The following DISC1 variants were observed in gnomAD, a reference collection of about 807,000 sequenced individuals.
The protein encoded by DISC1 is DISC1 scaffold protein.
DISC1 carries 57 observed loss-of-function variants against 84.5 expected under a neutral mutation model. The observed-to-expected ratio is 0.67, with a 90% CI of 0.55 to 0.84. The LOEUF is 0.84. Among genes scored for constraint, DISC1 ranks in the 40% least tolerant of loss-of-function variants. The pLI is 0.00. For missense variants in DISC1, 1,000 were observed against 1,057.8 expected (o/e 0.95, Z 0.76); for synonymous variants, 411 against 415.2 (o/e 0.99, Z 0.12).
intron 1 of DISC1, among the ~76,000 whole-genome samples, chr1:231,642,171 G>C (rs1218578016): frequency 1.3e-5 from 2 of 152,112 alleles, no homozygotes; most frequent in African/African-American, 4.8e-5. Flanking sequence ...TCACTGCCCG[G>C]GGCCGGCGGG....
At chr1:231,825,651 G>T (rs1314264354) in intron 9 of DISC1, among the ~76,000 whole-genome samples, 4 of 152,128 alleles carry the variant, frequency 2.6e-5, no homozygotes, top group African/African-American at 4.8e-5. Context: ...GTCATTGCCT[G>T]CATCCAACTC....
chr1:231,679,229 A>G (rs1157001584), intron 1 of DISC1, among the ~76,000 whole-genome samples: 2 of 152,068 alleles, frequency 1.3e-5, no homozygotes, highest in Non-Finnish European at 2.9e-5. Context: ...GTGATTTTCT[A>G]TTGGTTGGTT....
rs1444597551 is a variant in DISC1 at position 231,954,261 on chromosome 1, G to T, written c.1982-4567G>T. Among the ~76,000 whole-genome samples the T allele has an allele frequency of 6.6e-6, 1 of 152,178 alleles. No individual in the cohort carries two copies. The highest frequency in any genetic ancestry group is 1.5e-5 in the Non-Finnish European group (1 of 68,024). Reference sequence around the variant, plus strand: ...CTATCTCTGTGTCCCTGGAAGCCGTGTCCTTTTTCTATTTAATTAGTGCCA... The same window carrying T: ...CTATCTCTGTGTCCCTGGAAGCCGTTTCCTTTTTCTATTTAATTAGTGCCA... On this transcript the variant is annotated intron_variant, in intron 9 of 12. Transcript: ENST00000439617. This position sits in a 1 kb window ranked among gnomAD's most constrained non-coding sequence, Gnocchi z 4.8.
At chr1:231,927,378 C>A (rs1338637229) in intron 9 of DISC1, among the ~76,000 whole-genome samples, 1 of 152,244 alleles carries the variant, frequency 6.6e-6, no homozygotes, top group African/African-American at 2.4e-5. Context: ...GATGCTTCAA[C>A]TTCCCAAGAC....
chr1:231,952,825 G>C (rs993301133), intron 9 of DISC1, among the ~76,000 whole-genome samples: 1 of 151,238 alleles, frequency 6.6e-6, no homozygotes, highest in African/African-American at 2.4e-5. Flanking sequence ...TTTATTGATG[G>C]CTGGTCTTTG....
intron 1 of DISC1, among the ~76,000 whole-genome samples, chr1:231,633,884 CTTTTTT>C (rs547057206): frequency 7.4e-6 from 1 of 135,444 alleles, no homozygotes; most frequent in East Asian, 2.1e-4. Flanking sequence ...TACCTGTCAT[CTTTTTT>C]TTTTTTTTTT....
chr1:231,839,877 G>A (rs79978913), intron 9 of DISC1, among the ~76,000 whole-genome samples: 2,167 of 152,102 alleles, frequency 0.014, 49 homozygotes, highest in African/African-American at 0.049. Flanking sequence ...TAAACAACCG[G>A]ATCTTGTGTG....
intron 9 of DISC1, among the ~76,000 whole-genome samples, chr1:231,934,695 TAATAA>T (rs1002608393): frequency 1.3e-5 from 2 of 152,238 alleles, no homozygotes; most frequent in African/African-American, 4.8e-5. Context: ...ATGATCTGTT[TAATAA>T]AATTATTGGA....
intron 9 of DISC1, among the ~76,000 whole-genome samples, chr1:231,865,052 T>C (rs959899348): frequency 4.6e-5 from 7 of 152,178 alleles, no homozygotes; most frequent in African/African-American, 1.2e-4. Context: ...GGAAGGACTT[T>C]AGAGATCACC....
At chr1:231,919,572 C>T (rs1030399261) in intron 9 of DISC1, among the ~76,000 whole-genome samples, 1 of 152,138 alleles carries the variant, frequency 6.6e-6, no homozygotes, top group African/African-American at 2.4e-5. Context: ...GTTTAATCTC[C>T]TAATTTTATT....
At chr1:231,727,435 G>A (rs1281197071) in intron 3 of DISC1, among the ~76,000 whole-genome samples, 2 of 152,244 alleles carry the variant, frequency 1.3e-5, no homozygotes, top group South Asian at 2.1e-4. Context: ...GACAGAGAGC[G>A]AGTTTAGGAC....
Position 231,693,988 on chromosome 1 carries a change from A to G in DISC1, c.230A>G (p.His77Arg), listed in dbSNP as rs757227901. 5.6e-6 allele frequency: 9 copies of G among 1,613,952 alleles called. No individual in the cohort carries two copies. The highest frequency in any genetic ancestry group is 5.0e-5 in the Admixed American group (3 of 59,998). ...FPGGVSGEESHHSESRARQCG... is the reference protein window; with the variant it reads ...FPGGVSGEESRHSESRARQCG... Reference sequence around the variant, plus strand: ...GGAGGGGTGTCTGGCGAGGAGTCCCACCACTCGGAGTCCAGGGCCAGACAG... The same window carrying G: ...GGAGGGGTGTCTGGCGAGGAGTCCCGCCACTCGGAGTCCAGGGCCAGACAG... Residue 77 changes from histidine to arginine, a missense_variant, in exon 2 of 13, where the codon CAC becomes CGC. By Grantham distance (29) the His-to-Arg change is conservative (BLOSUM62 0). This residue lies in a region of DISC1 where 292 missense variants were observed against 280.2 expected (regional missense o/e 1.04). Transcript: ENST00000439617.
At chr1:232,035,302 T>A (rs1020099431) in intron 12 of DISC1, among the ~76,000 whole-genome samples, 8 of 151,904 alleles carry the variant, frequency 5.3e-5, no homozygotes, top group Non-Finnish European at 1.0e-4. Context: ...ATACAAAAAT[T>A]AGCATGGTGG....
intron 3 of DISC1, among the ~76,000 whole-genome samples, chr1:231,717,886 A>G (rs932821886): frequency 2.0e-5 from 3 of 152,134 alleles, no homozygotes; most frequent in Admixed American, 6.5e-5. Flanking sequence ...TTCCAATACT[A>G]TTGTATAGAA....
At chr1:231,925,997 T>C (rs529831247) in intron 9 of DISC1, 4 of 152,216 alleles carry the variant, frequency 2.6e-5, no homozygotes, top group Non-Finnish European at 5.9e-5. Flanking sequence ...TACTTTGTCA[T>C]AGCAGCATTA....
At chr1:231,928,638 A>C (rs972658045) in intron 9 of DISC1, among the ~76,000 whole-genome samples, 1 of 151,776 alleles carries the variant, frequency 6.6e-6, no homozygotes, top group African/African-American at 2.4e-5. Context: ...AGTCCTTTTT[A>C]TTTTGATGTT....
Position 232,009,314 on chromosome 1 carries a change from AG to A in DISC1, c.2307+266del. 3 of 1,235,190 alleles carry A rather than the reference AG, an allele frequency of 2.4e-6. No homozygotes were observed. Among genetic ancestry groups the A allele is most frequent in the Non-Finnish European group, 3.1e-6 (3 of 977,190 alleles). 76.5% of individuals were successfully genotyped at this position (1,235,190 alleles called of 1,614,324 possible). On this transcript the variant is annotated intron_variant, in intron 11 of 12. Coordinates refer to ENST00000439617, the MANE Select transcript of DISC1 (RefSeq NM_018662.3). The surrounding 1 kb of genome is among the most constrained non-coding windows in gnomAD (Gnocchi z 4.6). ...TTTAGTGGCTAGAATTAGAATATGC[AG>A]TCTAATATAGAATTACCATATATAG...
chr1:231,799,543 A>G (rs1206601435), intron 7 of DISC1, among the ~76,000 whole-genome samples: 1 of 151,864 alleles, frequency 6.6e-6, no homozygotes, highest in Non-Finnish European at 1.5e-5. Context: ...GGAGGTTGCT[A>G]TTTTGGGTGG....
At chr1:231,872,834 A>G (rs2085565057) in intron 9 of DISC1, among the ~76,000 whole-genome samples, 1 of 152,228 alleles carries the variant, frequency 6.6e-6, no homozygotes, top group Non-Finnish European at 1.5e-5. Context: ...CCTGTTTTCA[A>G]GATAAGTGCA....
Sources: gnomAD v4.1 joint callset for allele counts (sites outside exome capture counted in the v4.1 genomes callset) on GRCh38, gnomAD v4.1.1 for gene constraint, gnomAD v4.1.1 regional missense constraint, Gnocchi (gnomAD v3.1) non-coding constraint, MANE v1.5 for transcripts, NCBI Gene and HGNC (gene_info 2026-07-23, HGNC 2026-07-21) for gene names.